The following SOBP variants were observed in gnomAD, a reference collection of about 807,000 sequenced individuals.
SOBP encodes the protein sine oculis binding protein homolog.
A neutral mutation model predicts 53.6 loss-of-function variants in SOBP; 4 were observed. That is an observed-to-expected ratio of 0.07 (90% CI 0.04 to 0.17). The LOEUF is 0.17. SOBP is among the 10% of genes least tolerant of loss of function. The pLI is 1.00. For synonymous variants in SOBP, 584 were observed against 522.6 expected (o/e 1.12, Z -1.60); for missense variants, 1,088 against 1,204.7 (o/e 0.90, Z 1.43).
intron 1 of SOBP, among the ~76,000 whole-genome samples, chr6:107,499,273 T>A (rs1782775583): frequency 6.6e-6 from 1 of 152,326 alleles, no homozygotes; most frequent in South Asian, 2.1e-4. Flanking sequence ...TCTTTTACCT[T>A]CTTGATGTTC....
At chr6:107,528,407 G>C (rs1482333644) in intron 3 of SOBP, among the ~76,000 whole-genome samples, 9 of 152,182 alleles carry the variant, frequency 5.9e-5, no homozygotes, top group Non-Finnish European at 1.3e-4. Flanking sequence ...CCTTAGAAAA[G>C]AGAAGGCTGA....
chr6:107,532,361 A>G (rs1419540116), intron 3 of SOBP, among the ~76,000 whole-genome samples: 1 of 151,886 alleles, frequency 6.6e-6, no homozygotes, highest in Non-Finnish European at 1.5e-5. Context: ...ACAAGGAAAT[A>G]TTACTTAGGT....
At chr6:107,515,866 A>G (rs1783305041) in intron 3 of SOBP, among the ~76,000 whole-genome samples, 1 of 152,254 alleles carries the variant, frequency 6.6e-6, no homozygotes, top group Non-Finnish European at 1.5e-5. Context: ...ATCATGACTA[A>G]TTTAGATTTT....
chr6:107,659,986 A>G lies in SOBP; in HGVS notation c.*1783A>G, dbSNP rs940491692. 3.3e-5 allele frequency: 5 copies of G among 152,472 alleles called. No individual in the cohort carries two copies. The highest frequency in any genetic ancestry group is 7.3e-5 in the Non-Finnish European group (5 of 68,040). 9.4% of individuals were successfully genotyped at this position (152,472 alleles called of 1,614,324 possible). A position where few individuals can be genotyped will look rare whatever the true frequency, so the allele number is the denominator to read the frequency against. On this transcript the variant is annotated 3_prime_UTR_variant, in exon 7 of 7. Transcript: ENST00000317357. ...ACCTTCCAGCAACAAATTAAAAAAT[A>G]ATAACAAATCAACCCCAGCACCAAA...
intron 1 of SOBP, among the ~76,000 whole-genome samples, chr6:107,500,385 A>T (rs1164155711): frequency 6.6e-6 from 1 of 152,084 alleles, no homozygotes; most frequent in Non-Finnish European, 1.5e-5. Context: ...GTCTAAAAAA[A>T]AAAAAAAAAG....
Position 107,605,746 on chromosome 6 carries a change from T to C in SOBP, c.669+18571T>C, listed in dbSNP as rs1397967977. On this transcript the variant is annotated intron_variant, in intron 5 of 6. Coordinates refer to ENST00000317357, the MANE Select transcript of SOBP (RefSeq NM_018013.4). ...GTGGCCCGTTCTTTCATGTCCAAGT[T>C]GTCTGTAGCCTCTCACTGCTCAAAA... 3.9e-5 allele frequency among the ~76,000 whole-genome samples: 6 copies of C among 152,312 alleles called. No individual in the cohort carries two copies. The East Asian group carries it at 1.2e-3, about 29-fold the overall frequency.
intron 5 of SOBP, among the ~76,000 whole-genome samples, chr6:107,610,729 A>G (rs1786557172): frequency 6.6e-6 from 1 of 151,938 alleles, no homozygotes; most frequent in South Asian, 2.1e-4. Flanking sequence ...TGCTCCAACC[A>G]CATGCCCACT....
intron 4 of SOBP, among the ~76,000 whole-genome samples, chr6:107,544,804 C>T (rs370723700): frequency 0.044 from 4,797 of 110,100 alleles, 258 homozygotes; most frequent in African/African-American, 0.21. Flanking sequence ...CATTTGTTTG[C>T]AAATTCATTC....
At chr6:107,638,447 G>A (rs908542959) in intron 6 of SOBP, among the ~76,000 whole-genome samples, 1 of 152,134 alleles carries the variant, frequency 6.6e-6, no homozygotes, top group Non-Finnish European at 1.5e-5. Flanking sequence ...CTGACCTCAG[G>A]TGATCCACCC....
chr6:107,537,837 AG>A (rs1784043795), intron 4 of SOBP, among the ~76,000 whole-genome samples: 2 of 151,406 alleles, frequency 1.3e-5, no homozygotes, highest in Non-Finnish European at 2.9e-5. Context: ...AAAAAAAAAA[AG>A]ATCGAAATAC....
chr6:107,490,896 T>A (rs1389933147), intron 1 of SOBP, among the ~76,000 whole-genome samples, 184 bp downstream of exon 1: 1 of 151,970 alleles, frequency 6.6e-6, no homozygotes, highest in Non-Finnish European at 1.5e-5. Context: ...TCCCCGAAAT[T>A]GTTGCCAACC....
intron 5 of SOBP, among the ~76,000 whole-genome samples, chr6:107,602,439 T>C (rs767395955): frequency 1.3e-5 from 2 of 151,836 alleles, no homozygotes; most frequent in African/African-American, 4.8e-5. Flanking sequence ...ATGAGAGAAA[T>C]AGGAAAACAG....
At position 107,658,458 on chromosome 6, in the gene SOBP, C is replaced by G. The variant is rs1019239693; in HGVS notation, c.*255C>G. Reference sequence around the variant, plus strand: ...TGCTGCCACCATCTCTGCTTCTCCCCAGAGGAACTTAGGGATTTCACCCCT... The same window carrying G: ...TGCTGCCACCATCTCTGCTTCTCCCGAGAGGAACTTAGGGATTTCACCCCT... On this transcript the variant is annotated 3_prime_UTR_variant, in exon 7 of 7. Coordinates refer to ENST00000317357, the MANE Select transcript of SOBP (RefSeq NM_018013.4). 6.6e-6 allele frequency: 1 copy of G among 152,600 alleles called. No individual in the cohort carries two copies. The highest frequency in any genetic ancestry group is 1.5e-5 in the Non-Finnish European group (1 of 68,100). The allele number at this position is 152,600 out of a possible 1,614,324, so 9.5% of individuals were successfully genotyped here.
chr6:107,639,545 C>T (rs927688575), intron 6 of SOBP, among the ~76,000 whole-genome samples: 2 of 152,148 alleles, frequency 1.3e-5, no homozygotes, highest in Admixed American at 6.5e-5. Context: ...CTTCTGTAAG[C>T]TGGAAAAAAT....
In SOBP at chr6:107,494,228, A is replaced by G. The variant is rs536375976; in HGVS notation, c.96+3516A>G. ...ATGCAGAGTATATGTTTCTAAAGTG[A>G]ATGTTGTGATTGTGTCTAATGTAAT... On this transcript the variant is annotated intron_variant, in intron 1 of 6. Transcript: ENST00000317357. Among the ~76,000 whole-genome samples, 10 of 152,326 alleles carry G rather than the reference A, an allele frequency of 6.6e-5. 1 individual carries two copies. In the South Asian group the frequency reaches 2.1e-3, roughly 32 times the overall value.
At chr6:107,495,682 A>G (rs1375717852) in intron 1 of SOBP, among the ~76,000 whole-genome samples, 1 of 152,192 alleles carries the variant, frequency 6.6e-6, no homozygotes, top group African/African-American at 2.4e-5. Flanking sequence ...AAAGGAAAGT[A>G]AAAAACAGGG....
chr6:107,622,462 C>A (rs1770222635), intron 5 of SOBP, among the ~76,000 whole-genome samples: 1 of 152,208 alleles, frequency 6.6e-6, no homozygotes, highest in East Asian at 1.9e-4. Context: ...TGGAGAAGAG[C>A]CAGTTCTTCT....
intron 3 of SOBP, among the ~76,000 whole-genome samples, chr6:107,513,560 C>CCCAAG (rs1783232091): frequency 6.6e-6 from 1 of 152,034 alleles, no homozygotes; most frequent in Non-Finnish European, 1.5e-5. Context: ...TTGGGGCTTG[C>CCCAAG]ATATGATGAT....
intron 4 of SOBP, among the ~76,000 whole-genome samples, chr6:107,544,761 C>T (rs1340545619): frequency 6.6e-6 from 1 of 152,182 alleles, no homozygotes; most frequent in African/African-American, 2.4e-5. Flanking sequence ...ATTGAACAAA[C>T]AAATATTCCC....
Sources: gnomAD v4.1 joint callset for allele counts (sites outside exome capture counted in the v4.1 genomes callset) on GRCh38, gnomAD v4.1.1 for gene constraint, MANE v1.5 for transcripts, NCBI Gene and HGNC (gene_info 2026-07-23, HGNC 2026-07-21) for gene names.